Variants in PDE4D observed in about 807,000 individuals in gnomAD.
PDE4D encodes phosphodiesterase 4D, also known as 3',5'-cyclic-AMP phosphodiesterase 4D.
A neutral mutation model predicts 87.4 loss-of-function variants in PDE4D; 24 were observed. That is an observed-to-expected ratio of 0.27 (90% CI 0.20 to 0.39). The LOEUF is 0.39. Among genes scored for constraint, PDE4D ranks in the 10% least tolerant of loss-of-function variants. PDE4D has a pLI of 1.00. For missense variants in PDE4D, 714 were observed against 1,041.0 expected (o/e 0.69, Z 4.32); for synonymous variants, 384 against 383.2 (o/e 1.00, Z -0.02).
At chr5:59,951,943 T>C (rs1387410743) in intron 3 of PDE4D, among the ~76,000 whole-genome samples, 1 of 152,162 alleles carries the variant, frequency 6.6e-6, no homozygotes, top group Admixed American at 6.5e-5. Flanking sequence ...TCACTTCTCC[T>C]TTCTCTGTCC....
intron 1 of PDE4D, among the ~76,000 whole-genome samples, chr5:59,669,595 A>G (rs997939316): frequency 6.6e-6 from 1 of 152,170 alleles, no homozygotes; most frequent in South Asian, 2.1e-4. Context: ...GAGTTTTTCT[A>G]TGGCATGCTG....
At chr5:60,446,811 T>C (rs1240720451) in intron 1 of PDE4D, among the ~76,000 whole-genome samples, 1 of 152,108 alleles carries the variant, frequency 6.6e-6, no homozygotes, top group African/African-American at 2.4e-5. Context: ...TGCCTGCTCA[T>C]ACTGGCCTCT....
intron 5 of PDE4D, chr5:59,166,285 G>A (rs191896270): frequency 6.6e-6 from 1 of 152,100 alleles, no homozygotes; most frequent in Non-Finnish European, 1.5e-5. Context: ...ATGACAAAAG[G>A]CCAGGTTAAT....
chr5:60,511,292 C>T (rs982336622), intron 1 of PDE4D, among the ~76,000 whole-genome samples: 4 of 152,054 alleles, frequency 2.6e-5, no homozygotes, highest in Admixed American at 6.6e-5. Flanking sequence ...TTAAACACTG[C>T]TAAGCTTGTT....
chr5:59,046,873 A>G (rs1184469954), intron 5 of PDE4D, among the ~76,000 whole-genome samples: 1 of 152,174 alleles, frequency 6.6e-6, no homozygotes, highest in African/African-American at 2.4e-5. Context: ...TTCATGTGAC[A>G]TGTGTGCAAC....
chr5:59,224,158 G>A (rs958759457), intron 1 of PDE4D, among the ~76,000 whole-genome samples: 6 of 144,434 alleles, frequency 4.2e-5, no homozygotes, highest in East Asian at 2.1e-4. Context: ...AGTCAGGCAC[G>A]ATGATGGCAC....
intron 1 of PDE4D, among the ~76,000 whole-genome samples, chr5:59,294,539 T>C (rs1561900017): frequency 1.3e-5 from 2 of 152,170 alleles, no homozygotes; most frequent in African/African-American, 4.8e-5. Context: ...CGCCAAGGTA[T>C]AAGTCCCAAC....
At chr5:59,497,194 C>A (rs779754737) in intron 1 of PDE4D, among the ~76,000 whole-genome samples, 2 of 152,038 alleles carry the variant, frequency 1.3e-5, no homozygotes, top group Non-Finnish European at 2.9e-5. Context: ...TCCATCCAAA[C>A]AATAGCAAAT....
chr5:59,234,022 A>G (rs1755815047), intron 1 of PDE4D, among the ~76,000 whole-genome samples: 1 of 152,104 alleles, frequency 6.6e-6, no homozygotes, highest in African/African-American at 2.4e-5. Flanking sequence ...AGATAAATGC[A>G]CAGCTGTTTT....
intron 3 of PDE4D, among the ~76,000 whole-genome samples, chr5:59,192,899 G>A (rs1256363043): frequency 2.6e-5 from 4 of 152,190 alleles, no homozygotes; most frequent in South Asian, 4.1e-4. Flanking sequence ...TTAATCTAAC[G>A]TGCAGGTAGG....
chr5:59,335,281 G>C (rs1777465580), intron 1 of PDE4D, among the ~76,000 whole-genome samples: 1 of 151,320 alleles, frequency 6.6e-6, no homozygotes, highest in Admixed American at 6.6e-5. Context: ...TGTGCCCAGA[G>C]CATGGGAACC....
intron 1 of PDE4D, among the ~76,000 whole-genome samples, chr5:60,310,167 T>A (rs1754877165): frequency 6.6e-6 from 1 of 152,182 alleles, no homozygotes; most frequent in African/African-American, 2.4e-5. Context: ...ATTCTCTTTT[T>A]TTAAAAATGC....
intron 2 of PDE4D, among the ~76,000 whole-genome samples, chr5:60,139,874 A>G (rs1277576140): frequency 6.6e-6 from 1 of 152,090 alleles, no homozygotes; most frequent in Admixed American, 6.6e-5. Flanking sequence ...GAATGCATGA[A>G]GTAGAATTAA....
At chr5:60,081,315 T>C (rs1386923062) in intron 2 of PDE4D, among the ~76,000 whole-genome samples, 3 of 127,932 alleles carry the variant, frequency 2.3e-5, no homozygotes, top group African/African-American at 5.9e-5. Flanking sequence ...TCTATTTTGT[T>C]AGTTTTTTCA....
intron 1 of PDE4D, among the ~76,000 whole-genome samples, chr5:59,770,349 G>T (rs1763314122): frequency 6.6e-6 from 1 of 152,094 alleles, no homozygotes; most frequent in Non-Finnish European, 1.5e-5. Context: ...TAATGGAAAG[G>T]ATTGGACAAT....
At chr5:59,916,000 C>A (rs1753997730) in intron 3 of PDE4D, among the ~76,000 whole-genome samples, 1 of 152,138 alleles carries the variant, frequency 6.6e-6, no homozygotes, top group Non-Finnish European at 1.5e-5. Flanking sequence ...TGTCTTTAAT[C>A]TCCTAGTCCC....
At chr5:59,741,436 G>C (rs1351089404) in intron 1 of PDE4D, among the ~76,000 whole-genome samples, 2 of 152,066 alleles carry the variant, frequency 1.3e-5, no homozygotes, top group African/African-American at 2.4e-5. Context: ...AAAATCTAAA[G>C]GGTGTGTCTA....
At chr5:59,976,689 C>T (rs1373713135) in intron 3 of PDE4D, among the ~76,000 whole-genome samples, 1 of 152,182 alleles carries the variant, frequency 6.6e-6, no homozygotes, top group African/African-American at 2.4e-5. Flanking sequence ...TATCACACTT[C>T]ACAATATTGT....
At chr5:60,098,045 C>G (rs781283561) in intron 2 of PDE4D, among the ~76,000 whole-genome samples, 4 of 151,892 alleles carry the variant, frequency 2.6e-5, no homozygotes, top group Non-Finnish European at 5.9e-5. Flanking sequence ...TTACCCTCAT[C>G]TAAACTGAAA....
Sources: allele counts gnomAD v4.1 joint callset (sites outside exome capture counted in the v4.1 genomes callset), GRCh38; gene constraint gnomAD v4.1.1; transcripts MANE v1.5; gene names NCBI Gene and HGNC (gene_info 2026-07-23, HGNC 2026-07-21).